Variants in NKAIN2 observed in about 807,000 individuals in gnomAD.
NKAIN2 encodes the protein sodium/potassium transporting ATPase interacting 2.
In NKAIN2, 14 loss-of-function variants were observed where a neutral mutation model predicts 32.6. The observed-to-expected ratio is 0.43, with a 90% confidence interval of 0.28 to 0.67. The LOEUF (loss-of-function observed/expected upper bound fraction) is 0.67, where lower values mean the gene tolerates loss of function less well. Ranked by LOEUF, NKAIN2 falls within the 30% of genes least tolerant of loss-of-function variation. The pLI is 0.17. For missense variants in NKAIN2, 198 were observed against 258.3 expected, an observed-to-expected ratio of 0.77 and a Z score of 1.60; for synonymous variants, 80 against 87.2, an observed-to-expected ratio of 0.92 and a Z score of 0.46.
chr6:124,687,737 G>GAT (rs1196602471), intron 4 of NKAIN2, among the ~76,000 whole-genome samples: 3,276 of 44,564 alleles, frequency 0.074, 136 homozygotes, highest in African/African-American at 0.13. Flanking sequence ...AAATATATAT[G>GAT]ATATATACAC....
intron 3 of NKAIN2, among the ~76,000 whole-genome samples, chr6:124,413,522 G>A (rs9491169): frequency 0.066 from 10,070 of 151,934 alleles, 996 homozygotes; most frequent in African/African-American, 0.21. Context: ...AAGATGTTTT[G>A]GTGCTTTTCA....
At chr6:124,207,581 TTA>T (rs1451490567) in intron 1 of NKAIN2, among the ~76,000 whole-genome samples, 2 of 151,700 alleles carry the variant, frequency 1.3e-5, no homozygotes, top group Non-Finnish European at 2.9e-5. Context: ...TGTTTAAATG[TTA>T]TGTTTACCTG....
At chr6:124,345,127 G>C (rs1357913717) in intron 2 of NKAIN2, among the ~76,000 whole-genome samples, 4 of 152,016 alleles carry the variant, frequency 2.6e-5, no homozygotes, top group South Asian at 2.1e-4. Flanking sequence ...TTATATGCTA[G>C]TTTACATTTA....
intron 1 of NKAIN2, among the ~76,000 whole-genome samples, chr6:123,976,465 G>T (rs1425523745): frequency 7.0e-6 from 1 of 141,872 alleles, no homozygotes; most frequent in Non-Finnish European, 1.5e-5. Context: ...TGATTGTGGG[G>T]ACTAAAAAAT....
rs994749688 is a variant in NKAIN2, at chr6:123,915,943, G to GT, written c.54+111690dup. 8.7e-4 allele frequency among the ~76,000 whole-genome samples: 132 copies of GT among 152,196 alleles called. 1 individual carries two copies. Among genetic ancestry groups the GT allele is most frequent in the African/African-American group, 3.2e-3 (131 of 41,534 alleles). On this transcript the variant is annotated intron_variant, in intron 1 of 6. Transcript: ENST00000368417. ...CACAGAACCCATATTTTCTGCATAG[G>GT]TGTTTTGATTTTCTGAGGACCTAAT... is the stretch of plus-strand genomic sequence containing the variant.
At chr6:124,202,179 A>C (rs1190720340) in intron 1 of NKAIN2, among the ~76,000 whole-genome samples, 1 of 151,904 alleles carries the variant, frequency 6.6e-6, no homozygotes, top group Admixed American at 6.6e-5. Flanking sequence ...CCTGAAAAAA[A>C]GTAAGGAGCT....
intron 3 of NKAIN2, among the ~76,000 whole-genome samples, chr6:124,418,774 G>T (rs1774614848): frequency 6.6e-6 from 1 of 151,548 alleles, no homozygotes. Flanking sequence ...TTCCAGTACT[G>T]ATTGTTGATG....
chr6:124,212,849 A>G (rs993321226), intron 1 of NKAIN2, among the ~76,000 whole-genome samples: 4 of 152,100 alleles, frequency 2.6e-5, no homozygotes, highest in Admixed American at 1.3e-4. Context: ...TAGACTCAAA[A>G]TGATGCAACT....
chr6:123,846,416 A>G (rs1263407640), intron 1 of NKAIN2, among the ~76,000 whole-genome samples: 1 of 152,194 alleles, frequency 6.6e-6, no homozygotes, highest in East Asian at 1.9e-4. Flanking sequence ...GAGAGATGCA[A>G]ATAGCTATGG....
intron 1 of NKAIN2, among the ~76,000 whole-genome samples, chr6:124,256,212 G>A (rs1793922520): frequency 6.6e-6 from 1 of 152,076 alleles, no homozygotes; most frequent in Admixed American, 6.6e-5. Context: ...AATCCAAAAG[G>A]TCATCACCCA....
intron 4 of NKAIN2, among the ~76,000 whole-genome samples, chr6:124,777,569 A>G (rs1392017634): frequency 6.6e-6 from 1 of 152,244 alleles, no homozygotes; most frequent in Non-Finnish European, 1.5e-5. Context: ...GTTATTATTC[A>G]CTAATATTCT....
chr6:124,351,307 G>C (rs1178740525), intron 2 of NKAIN2, among the ~76,000 whole-genome samples: 2 of 151,848 alleles, frequency 1.3e-5, no homozygotes, highest in Non-Finnish European at 1.5e-5. Flanking sequence ...TTGAGCCCAG[G>C]AGTTTGAGAC....
chr6:124,701,991 T>A (rs951855555), intron 4 of NKAIN2, among the ~76,000 whole-genome samples: 2 of 152,118 alleles, frequency 1.3e-5, no homozygotes, highest in Non-Finnish European at 2.9e-5. Flanking sequence ...AGGAGAACTA[T>A]GCAGATTCAA....
intron 4 of NKAIN2, among the ~76,000 whole-genome samples, chr6:124,687,580 T>TCCA (rs1562324934): frequency 1.7e-3 from 15 of 8,986 alleles, no homozygotes; most frequent in East Asian, 4.7e-3. Context: ...TAATATATAT[T>TCCA]TATAATATAA....
chr6:124,515,386 A>C (rs981577795), intron 3 of NKAIN2, among the ~76,000 whole-genome samples: 5 of 152,006 alleles, frequency 3.3e-5, no homozygotes, highest in African/African-American at 1.2e-4. Context: ...GGTTGTTTAA[A>C]AGAGCCTAGC....
At chr6:124,318,551 T>C (rs750292283) in intron 2 of NKAIN2, among the ~76,000 whole-genome samples, 16 of 152,056 alleles carry the variant, frequency 1.1e-4, no homozygotes, top group Non-Finnish European at 2.4e-4. Flanking sequence ...CCCTCTTCTA[T>C]CATTTAACTT....
chr6:124,125,759 T>C (rs2114996563), intron 1 of NKAIN2, among the ~76,000 whole-genome samples: 1 of 152,304 alleles, frequency 6.6e-6, no homozygotes, highest in South Asian at 2.1e-4. Context: ...TAAAGTGTTA[T>C]GCATAATTTT....
intron 3 of NKAIN2, among the ~76,000 whole-genome samples, chr6:124,526,499 C>T (rs1475488247): frequency 1.3e-5 from 2 of 151,992 alleles, no homozygotes; most frequent in Admixed American, 6.6e-5. Context: ...TATAAGAGGG[C>T]CAACCCCCAC....
At chr6:124,048,623 A>G (rs1782255222) in intron 1 of NKAIN2, among the ~76,000 whole-genome samples, 1 of 152,074 alleles carries the variant, frequency 6.6e-6, no homozygotes, top group African/African-American at 2.4e-5. Flanking sequence ...CAAGACTGAC[A>G]GTTACTTTGA....
Sources: gnomAD v4.1 joint callset for allele counts (sites outside exome capture counted in the v4.1 genomes callset) on GRCh38, gnomAD v4.1.1 for gene constraint, MANE v1.5 for transcripts, NCBI Gene and HGNC (gene_info 2026-07-23, HGNC 2026-07-21) for gene names.